GLRA2: variants seen among roughly 807,000 people sequenced by gnomAD.
The protein encoded by GLRA2 is glycine receptor alpha 2, also known as glycine receptor subunit alpha-2.
A neutral mutation model predicts 31.6 loss-of-function variants in GLRA2; 11 were observed. That is an observed-to-expected ratio of 0.35 (90% CI 0.22 to 0.58). The LOEUF is 0.58. GLRA2 is among the 20% of genes least tolerant of loss of function. GLRA2 has a pLI of 0.84. For synonymous variants in GLRA2, 132 were observed against 134.0 expected (o/e 0.99, Z 0.10); for missense variants, 212 against 351.8 (o/e 0.60, Z 3.18).
chrX:14,531,385 A>C (rs1010890979), intron 1 of GLRA2, among the ~76,000 whole-genome samples: 19 of 111,615 alleles, frequency 1.7e-4, no homozygotes, highest in African/African-American at 6.2e-4. Flanking sequence ...TCAGTTAACC[A>C]CTATGTATTG....
At chrX:14,502,765 A>G in the GLRA2 span, among the ~76,000 whole-genome samples, 4 of 110,400 alleles carry the variant, frequency 3.6e-5, no homozygotes, top group African/African-American at 1.3e-4. Context: ...CTTGTCTAAC[A>G]TATGTGTTTT....
intron 2 of GLRA2, among the ~76,000 whole-genome samples, chrX:14,563,765 A>G (rs771704438): frequency 2.7e-5 from 3 of 110,926 alleles, no homozygotes; most frequent in South Asian, 7.5e-4. Context: ...GAATATCAAT[A>G]AAGAAATATA....
At chrX:14,610,790 C>T (rs2090388547) in intron 7 of GLRA2, among the ~76,000 whole-genome samples, 2 of 112,071 alleles carry the variant, frequency 1.8e-5, no homozygotes, top group Admixed American at 1.9e-4. Flanking sequence ...AAAGAGTAGT[C>T]ATTTATCTTC....
chrX:14,585,913 G>T (rs1445473346), intron 4 of GLRA2, among the ~76,000 whole-genome samples: 1 of 112,029 alleles, frequency 8.9e-6, no homozygotes, highest in African/African-American at 3.2e-5. Context: ...GTAATGTTCT[G>T]TCTTGATACT....
At chrX:14,474,900 A>C in the GLRA2 span, among the ~76,000 whole-genome samples, 1 of 112,327 alleles carries the variant, frequency 8.9e-6, no homozygotes. Flanking sequence ...GGCCAAATCA[A>C]ATCTGAAGGA....
rs1480951699 is a variant in GLRA2, at chrX:14,562,116, A to G, written c.203-12217A>G. On this transcript the variant is annotated intron_variant, in intron 2 of 8. Coordinates refer to ENST00000218075, the MANE Select transcript of GLRA2 (RefSeq NM_002063.4). ...TTTATTTTCAGGAACACCATAGTTC[A>G]CATAGGTGTATTAAAGTTTTGGAGA... 1.1e-4 allele frequency among the ~76,000 whole-genome samples: 12 copies of G among 112,306 alleles called. 1 individual carries two copies. The Admixed American group carries it at 1.1e-3, about 11-fold the overall frequency.
the GLRA2 span, among the ~76,000 whole-genome samples, chrX:14,484,708 GAC>G: frequency 9.0e-6 from 1 of 111,712 alleles, no homozygotes. Context: ...TGGCTTCGTG[GAC>G]TTAGATGTAT....
intron 7 of GLRA2, among the ~76,000 whole-genome samples, chrX:14,639,676 T>G (rs2090752354): frequency 8.9e-6 from 1 of 111,880 alleles, no homozygotes; most frequent in African/African-American, 3.2e-5. Flanking sequence ...GTGTTGCCTT[T>G]GTAAAATTTC....
chrX:14,531,093 A>T, intron 1 of GLRA2: 2 of 841,471 alleles, frequency 2.4e-6, no homozygotes, highest in Non-Finnish European at 3.1e-6. Flanking sequence ...TTTTATTAGA[A>T]TCATCATCAT....
At chrX:14,606,586 T>C (rs192932833) in intron 5 of GLRA2, among the ~76,000 whole-genome samples, 1 of 111,782 alleles carries the variant, frequency 8.9e-6, no homozygotes, top group Non-Finnish European at 1.9e-5. Flanking sequence ...CCCCATTTGC[T>C]AAAGTAGAAG....
chrX:14,722,279 G>A (rs994048784), intron 8 of GLRA2, among the ~76,000 whole-genome samples: 1 of 111,170 alleles, frequency 9.0e-6, no homozygotes, highest in African/African-American at 3.3e-5. Context: ...AGTTGGGCAG[G>A]CATCATTCTT....
intron 2 of GLRA2, 56 bp from the exon 3 acceptor site, chrX:14,574,277 A>G: frequency 1.4e-6 from 1 of 716,608 alleles, no homozygotes; most frequent in Non-Finnish European, 2.2e-6. Context: ...ACAGATGTTA[A>G]TGGAGCTGTA....
chrX:14,499,947 A>G, the GLRA2 span, among the ~76,000 whole-genome samples: 1 of 111,310 alleles, frequency 9.0e-6, no homozygotes, highest in East Asian at 2.8e-4. Context: ...TGATAGTTTG[A>G]GCTCCTTAAA....
the GLRA2 span, among the ~76,000 whole-genome samples, chrX:14,483,150 T>A: frequency 1.8e-5 from 2 of 112,145 alleles, no homozygotes; most frequent in Non-Finnish European, 3.8e-5. Flanking sequence ...ATTATCTGAC[T>A]AGTCAAGAAG....
chrX:14,550,260 G>T (rs1043954547), intron 2 of GLRA2, among the ~76,000 whole-genome samples: 2 of 97,981 alleles, frequency 2.0e-5, no homozygotes, highest in Non-Finnish European at 4.2e-5. Context: ...GGGAAAGGAG[G>T]TTTTTTTTTT....
chrX:14,667,037 A>C (rs1480426290), intron 7 of GLRA2, among the ~76,000 whole-genome samples: 2 of 112,346 alleles, frequency 1.8e-5, no homozygotes, highest in Non-Finnish European at 3.8e-5. Context: ...TTTCACACAC[A>C]AGGAACAGTC....
intron 7 of GLRA2, among the ~76,000 whole-genome samples, chrX:14,686,524 A>G (rs1056419142): frequency 1.8e-5 from 2 of 111,646 alleles, no homozygotes; most frequent in Non-Finnish European, 3.8e-5. Context: ...TATCTTTAGG[A>G]CACTTAGCTC....
intron 3 of GLRA2, among the ~76,000 whole-genome samples, chrX:14,579,482 A>G (rs1366418443): frequency 1.8e-5 from 2 of 111,179 alleles, no homozygotes; most frequent in Non-Finnish European, 3.8e-5. Flanking sequence ...GGCATGCACC[A>G]GCACACCTGG....
chrX:14,650,357 G>A (rs1268455540), intron 7 of GLRA2, among the ~76,000 whole-genome samples: 2 of 108,497 alleles, frequency 1.8e-5, no homozygotes, highest in African/African-American at 6.7e-5. Context: ...TGCAAATTAA[G>A]TTCTGTTCAG....
Sources: gnomAD v4.1 joint callset for allele counts (sites outside exome capture counted in the v4.1 genomes callset) on GRCh38, gnomAD v4.1.1 for gene constraint, MANE v1.5 for transcripts, NCBI Gene and HGNC (gene_info 2026-07-23, HGNC 2026-07-21) for gene names.